MTCL1: variants seen among roughly 807,000 people sequenced by gnomAD.
MTCL1 encodes microtubule cross-linking factor 1.
A neutral mutation model predicts 141.4 loss-of-function variants in MTCL1; 79 were observed. That is an observed-to-expected ratio of 0.56 (90% confidence interval 0.47 to 0.67). The LOEUF is 0.67. MTCL1 is among the 30% of genes least tolerant of loss of function. MTCL1 has a pLI of 0.00. For missense variants in MTCL1, 2,177 were observed against 2,113.9 expected, an observed-to-expected ratio of 1.03 and a Z score of -0.59; for synonymous variants, 914 against 875.8, an observed-to-expected ratio of 1.04 and a Z score of -0.77.
chr18:8,768,852 C>T (rs571928400), intron 4 of MTCL1, among the ~76,000 whole-genome samples: 4 of 137,336 alleles, frequency 2.9e-5, no homozygotes, highest in African/African-American at 1.1e-4. Context: ...AGTGCAGTGG[C>T]GCGATCTTGG....
At chr18:8,718,549 G>A (rs1418826073) in exon 3 of MTCL1, 1 of 1,614,194 alleles carries the variant, frequency 6.2e-7, no homozygotes, top group Admixed American at 1.7e-5. Context: ...GCCGAATCCT[G>A]CAGTACCGTC....
chr18:8,831,299 G>C (rs2077184972), intron 16 of MTCL1: 1 of 1,187,276 alleles, frequency 8.4e-7, no homozygotes, highest in Non-Finnish European at 1.1e-6. Context: ...CGCTGCCACA[G>C]TCACTGTGTC....
chr18:8,767,426 G>A (rs551590581), intron 4 of MTCL1, among the ~76,000 whole-genome samples: 1 of 152,312 alleles, frequency 6.6e-6, no homozygotes, highest in South Asian at 2.1e-4. Flanking sequence ...CCTAGTGGAA[G>A]AGTCTCTTGG....
At chr18:8,809,372 T>A in intron 11 of MTCL1, 1 of 1,500,420 alleles carries the variant, frequency 6.7e-7, no homozygotes, top group South Asian at 1.2e-5. Flanking sequence ...CCAACAGAAA[T>A]CACGGATCTT....
chr18:8,784,978 G>A (rs571481322), intron 6 of MTCL1, 135 bp downstream of exon 5: 9 of 646,722 alleles, frequency 1.4e-5, no homozygotes, highest in African/African-American at 1.3e-4. Context: ...TAAAGCCTCC[G>A]GGGCAACCGG....
chr18:8,738,033 T>C (rs1329373138), intron 4 of MTCL1, among the ~76,000 whole-genome samples: 1 of 152,234 alleles, frequency 6.6e-6, no homozygotes, highest in African/African-American at 2.4e-5. Flanking sequence ...AGCAACAGTT[T>C]AGTCAATAAT....
At chr18:8,799,787 AAAC>A (rs1458270532) in intron 10 of MTCL1, among the ~76,000 whole-genome samples, 5 of 152,252 alleles carry the variant, frequency 3.3e-5, no homozygotes, top group African/African-American at 9.6e-5. Context: ...CTGGTTTTCT[AAAC>A]AACAGTCATA....
At chr18:8,765,495 C>G (rs116879917) in intron 4 of MTCL1, among the ~76,000 whole-genome samples, 2,464 of 152,316 alleles carry the variant, frequency 0.016, 40 homozygotes, top group South Asian at 0.057. Context: ...TCCTCCCCCA[C>G]AAGTCCTTGG....
chr18:8,733,263 T>C (rs1192159774), intron 4 of MTCL1, among the ~76,000 whole-genome samples: 1 of 152,158 alleles, frequency 6.6e-6, no homozygotes, highest in East Asian at 1.9e-4. Context: ...TTAGTAAAGC[T>C]TTTTTTCATA....
chr18:8,742,587 C>T (rs1400770310), intron 4 of MTCL1, among the ~76,000 whole-genome samples: 2 of 152,156 alleles, frequency 1.3e-5, no homozygotes, highest in Non-Finnish European at 2.9e-5. Flanking sequence ...AAACCACCCT[C>T]ATGATTCTGT....
intron 7 of MTCL1, among the ~76,000 whole-genome samples, chr18:8,790,042 T>C (rs892023429): frequency 3.9e-5 from 6 of 152,238 alleles, no homozygotes; most frequent in African/African-American, 1.4e-4. Context: ...CAGGAGGATC[T>C]AAACCTGTCT....
At chr18:8,756,443 G>A (rs371003810) in intron 4 of MTCL1, among the ~76,000 whole-genome samples, 5 of 133,934 alleles carry the variant, frequency 3.7e-5, no homozygotes, top group African/African-American at 8.9e-5. Context: ...ATGTATATAT[G>A]TGTATATATG....
exon 6 of MTCL1, chr18:8,783,591 G>A (rs140904017): frequency 3.1e-6 from 5 of 1,613,132 alleles, no homozygotes; most frequent in African/African-American, 1.3e-5. Context: ...TTCCTGATGC[G>A]CAAAAAGATG....
intron 1 of MTCL1, among the ~76,000 whole-genome samples, chr18:8,711,589 A>G (rs1459383279): frequency 6.6e-5 from 10 of 151,688 alleles, no homozygotes; most frequent in Admixed American, 3.9e-4. Flanking sequence ...ATTCTAACTG[A>G]TGTGAGATGA....
intron 4 of MTCL1, among the ~76,000 whole-genome samples, chr18:8,758,184 T>C (rs1048742027): frequency 3.4e-4 from 52 of 152,184 alleles, no homozygotes; most frequent in African/African-American, 1.2e-3. Context: ...CCACCATGCC[T>C]GGCTAATTTT....
exon 10 of MTCL1, chr18:8,798,149 G>A (rs1369141489): frequency 3.8e-6 from 6 of 1,595,742 alleles, no homozygotes; most frequent in Middle Eastern, 1.7e-4. Flanking sequence ...GTCCAGGGGG[G>A]TCACCAGGCG....
In MTCL1 at chr18:8,786,093, T is replaced by A; in HGVS notation, c.1887+2T>A. The A allele has an allele frequency of 1.9e-6, 3 of 1,550,664 alleles. No homozygotes were observed. The highest frequency in any genetic ancestry group is 2.6e-6 in the Non-Finnish European group (3 of 1,148,464). On this transcript the variant is annotated splice_donor_variant, in intron 7 of 16. Coordinates refer to ENST00000359865, the Ensembl canonical transcript of MTCL1. LOFTEE classifies it high-confidence loss of function. Reference sequence around the variant, plus strand: ...GGCCAGACCTGCTTCAGCCTGGAGGTCAGCGTGGGCAAGCAATCCCCCCCC... The same window carrying A: ...GGCCAGACCTGCTTCAGCCTGGAGGACAGCGTGGGCAAGCAATCCCCCCCC...
intron 7 of MTCL1, among the ~76,000 whole-genome samples, chr18:8,790,993 C>T (rs1188768975): frequency 1.3e-5 from 2 of 152,120 alleles, no homozygotes; most frequent in East Asian, 1.9e-4. Flanking sequence ...CCAGCCTGGG[C>T]GACAGAGCGA....
At chr18:8,747,832 A>G (rs953244931) in intron 4 of MTCL1, among the ~76,000 whole-genome samples, 1 of 152,032 alleles carries the variant, frequency 6.6e-6, no homozygotes, top group Admixed American at 6.6e-5. Context: ...GTTTTTTGTT[A>G]ATAATTATCT....
Sources: allele counts gnomAD v4.1 joint callset (sites outside exome capture counted in the v4.1 genomes callset), GRCh38; gene constraint gnomAD v4.1.1; transcripts MANE v1.5; gene names NCBI Gene and HGNC (gene_info 2026-07-23, HGNC 2026-07-21).